The following NTRK2 variants were observed in gnomAD, a reference collection of about 807,000 sequenced individuals.
The protein encoded by NTRK2 is neurotrophic receptor tyrosine kinase 2.
Under a neutral mutation model 94.5 loss-of-function variants are expected in NTRK2, and 13 were observed. The observed-to-expected ratio is 0.14, with a 90% CI of 0.09 to 0.22. The LOEUF (loss-of-function observed/expected upper bound fraction) is 0.22, where lower values mean the gene tolerates loss of function less well. NTRK2 is among the 10% of genes least tolerant of loss of function. The probability of loss-of-function intolerance (pLI) is 1.00; values close to 1 mark genes in which losing one functional copy is unlikely to be tolerated. For missense variants in NTRK2, 639 were observed against 1,071.2 expected, an observed-to-expected ratio of 0.60 and a Z score of 5.63; for synonymous variants, 372 against 407.4, an observed-to-expected ratio of 0.91 and a Z score of 1.05.
chr9:84,831,057 A>C (rs925410623), intron 12 of NTRK2, among the ~76,000 whole-genome samples: 12 of 152,202 alleles, frequency 7.9e-5, no homozygotes, highest in African/African-American at 2.7e-4. Flanking sequence ...GTAATATTCT[A>C]TCCTTTGAAT....
intron 12 of NTRK2, among the ~76,000 whole-genome samples, chr9:84,768,162 A>G (rs989697488): frequency 6.6e-6 from 1 of 152,206 alleles, no homozygotes. Context: ...CAATTTCAAC[A>G]ATTTTCAATT....
chr9:84,757,144 C>G (rs552330699), intron 12 of NTRK2, among the ~76,000 whole-genome samples: 1 of 152,102 alleles, frequency 6.6e-6, no homozygotes, highest in South Asian at 2.1e-4. Flanking sequence ...CCATATGCAC[C>G]CTCTTCCTTC....
chr9:84,731,521 A>G (rs1160975495), intron 9 of NTRK2, among the ~76,000 whole-genome samples: 1 of 152,212 alleles, frequency 6.6e-6, no homozygotes, highest in Non-Finnish European at 1.5e-5. Context: ...GTTTTTGAAA[A>G]GAGAGAATAA....
chr9:84,897,529 G>A (rs920483097), intron 14 of NTRK2, among the ~76,000 whole-genome samples: 2 of 152,182 alleles, frequency 1.3e-5, no homozygotes, highest in Non-Finnish European at 2.9e-5. Flanking sequence ...TCGGACTCCT[G>A]CTGCCTATTT....
intron 2 of NTRK2, among the ~76,000 whole-genome samples, chr9:84,677,346 A>G (rs2059122766): frequency 6.6e-6 from 1 of 152,200 alleles, no homozygotes; most frequent in Non-Finnish European, 1.5e-5. Flanking sequence ...TGGCTGAGCC[A>G]GTGAGCAAAC....
intron 6 of NTRK2, among the ~76,000 whole-genome samples, chr9:84,720,879 G>T (rs1193652434): frequency 6.6e-6 from 1 of 152,046 alleles, no homozygotes; most frequent in Admixed American, 6.5e-5. Context: ...GGGCTTTAAA[G>T]GTTAATCTAA....
chr9:84,796,368 T>A (rs1588656398), intron 12 of NTRK2, among the ~76,000 whole-genome samples: 1 of 152,148 alleles, frequency 6.6e-6, no homozygotes, highest in East Asian at 1.9e-4. Flanking sequence ...GATTAGAAGA[T>A]CCTTCCCCCT....
intron 17 of NTRK2, among the ~76,000 whole-genome samples, chr9:85,004,533 T>C (rs1830747499): frequency 6.6e-6 from 1 of 152,300 alleles, no homozygotes; most frequent in Admixed American, 6.5e-5. Flanking sequence ...ATGCCAATGA[T>C]CTGCACATAA....
intron 17 of NTRK2, among the ~76,000 whole-genome samples, chr9:84,978,417 AT>A (rs1247922066): frequency 6.6e-6 from 1 of 152,220 alleles, no homozygotes; most frequent in Non-Finnish European, 1.5e-5. Context: ...CCAAAGCCAA[AT>A]TTAGAAAAAG....
chr9:84,873,882 A>G, intron 14 of NTRK2: 2 of 1,061,192 alleles, frequency 1.9e-6, no homozygotes, highest in Non-Finnish European at 2.3e-6. Context: ...AAAAATAAAG[A>G]TTATGGATTT....
intron 17 of NTRK2, among the ~76,000 whole-genome samples, chr9:84,956,911 A>G (rs1352488398): frequency 6.6e-6 from 1 of 152,012 alleles, no homozygotes; most frequent in Non-Finnish European, 1.5e-5. Flanking sequence ...GCAAAAAGGA[A>G]TAGAGACCAC....
At chr9:84,845,578 C>G (rs980081570) in intron 12 of NTRK2, among the ~76,000 whole-genome samples, 1 of 152,088 alleles carries the variant, frequency 6.6e-6, no homozygotes, top group Non-Finnish European at 1.5e-5. Flanking sequence ...CCATGGAATA[C>G]TACTCAGCCA....
chr9:84,670,643 G>C lies in NTRK2; in HGVS notation c.-106G>C, dbSNP rs1237494783. Reference sequence around the variant, plus strand: ...TCGGCACGCCCGCAACAAGCACCGAGGAGTTAAGAGAGCCGCAAGCGCAGG... The same window carrying C: ...TCGGCACGCCCGCAACAAGCACCGACGAGTTAAGAGAGCCGCAAGCGCAGG... On this transcript the variant is annotated 5_prime_UTR_variant, in exon 2 of 19. Transcript: ENST00000277120. 9.2e-7 allele frequency: 1 copy of C among 1,087,362 alleles called. No individual in the cohort carries two copies. Among genetic ancestry groups the C allele is most frequent in the African/African-American group, 1.5e-5 (1 of 65,020 alleles). The allele number at this position is 1,087,362 out of a possible 1,614,324, so 67.4% of individuals were successfully genotyped here. A position where few individuals can be genotyped will look rare whatever the true frequency, so the allele number is the denominator to read the frequency against.
intron 12 of NTRK2, among the ~76,000 whole-genome samples, chr9:84,807,060 G>C (rs2071203483): frequency 6.6e-6 from 1 of 152,162 alleles, no homozygotes; most frequent in African/African-American, 2.4e-5. Flanking sequence ...GATAAGATTT[G>C]CTTTTTTAGA....
intron 9 of NTRK2, among the ~76,000 whole-genome samples, chr9:84,730,373 G>T (rs2062751483): frequency 6.6e-6 from 1 of 152,050 alleles, no homozygotes; most frequent in Admixed American, 6.5e-5. Context: ...GTATTTATGA[G>T]ACTCACAACC....
intron 9 of NTRK2, 94 bp downstream of exon 9, chr9:84,728,053 TAGTGGC>T (rs2062584363): frequency 1.7e-6 from 2 of 1,181,336 alleles, no homozygotes; most frequent in Non-Finnish European, 1.2e-6. Flanking sequence ...TCCCCCAACC[TAGTGGC>T]TTAAAACTCC....
At chr9:84,763,250 A>C (rs1012729072) in intron 12 of NTRK2, among the ~76,000 whole-genome samples, 4 of 152,090 alleles carry the variant, frequency 2.6e-5, no homozygotes, top group African/African-American at 9.7e-5. Flanking sequence ...CTTCTTTTTG[A>C]AACTCTAAGT....
intron 15 of NTRK2, among the ~76,000 whole-genome samples, chr9:84,938,776 T>TGTG (rs2078295825): frequency 6.6e-6 from 1 of 151,468 alleles, no homozygotes; most frequent in South Asian, 2.1e-4. Flanking sequence ...TTGCACCAGG[T>TGTG]GTGGTGGCTC....
At chr9:84,708,562 A>T (rs1236738536) in intron 5 of NTRK2, among the ~76,000 whole-genome samples, 1 of 152,246 alleles carries the variant, frequency 6.6e-6, no homozygotes, top group Non-Finnish European at 1.5e-5. Context: ...CCCATTAAAC[A>T]AATATGAACT....
Sources: allele counts gnomAD v4.1 joint callset (sites outside exome capture counted in the v4.1 genomes callset), GRCh38; gene constraint gnomAD v4.1.1; transcripts MANE v1.5; gene names NCBI Gene and HGNC (gene_info 2026-07-23, HGNC 2026-07-21).